The following CLSTN1 variants were observed in gnomAD, a reference collection of about 807,000 sequenced individuals.
CLSTN1 encodes the protein calsyntenin 1, also known as calsyntenin-1.
CLSTN1 carries 28 observed loss-of-function variants against 108.3 expected under a neutral mutation model. The ratio of observed to expected loss-of-function variants is 0.26; its 90% confidence interval spans 0.19 to 0.35. CLSTN1 has a LOEUF of 0.35. Among genes scored for constraint, CLSTN1 ranks in the 10% least tolerant of loss-of-function variants. The pLI is 1.00. For synonymous variants in CLSTN1, 524 were observed against 534.9 expected (o/e 0.98, Z 0.28); for missense variants, 1,157 against 1,302.6 (o/e 0.89, Z 1.72).
chr1:9,745,660 T>C (rs1206274793), intron 7 of CLSTN1, among the ~76,000 whole-genome samples: 1 of 151,526 alleles, frequency 6.6e-6, no homozygotes, highest in Non-Finnish European at 1.5e-5. Context: ...CTCAAAAATA[T>C]ATAAACAAAT....
At chr1:9,813,041 AG>A (rs1367298612) in intron 1 of CLSTN1, among the ~76,000 whole-genome samples, 3 of 144,170 alleles carry the variant, frequency 2.1e-5, no homozygotes, top group Non-Finnish European at 4.6e-5. Flanking sequence ...GCGGGTGCCT[AG>A]TAATCCCAGC....
In CLSTN1 at chr1:9,823,767, G is replaced by A; in HGVS notation, c.-34C>T. 2 of 991,464 alleles carry A rather than the reference G, an allele frequency of 2.0e-6. No individual in the cohort carries two copies. Among genetic ancestry groups the A allele is most frequent in the Non-Finnish European group, 2.4e-6 (2 of 826,388 alleles). 61.4% of individuals were successfully genotyped at this position (991,464 alleles called of 1,614,324 possible). A position where few individuals can be genotyped will look rare whatever the true frequency, so the allele number is the denominator to read the frequency against. ...CGGGGCGGGAGCGGCAGGGAGGCGC[G>A]CGGGACGCCGAGCGGAGCTCTCGGA... On this transcript the variant is annotated 5_prime_UTR_variant, in exon 1 of 19. Coordinates refer to ENST00000377298, the MANE Select transcript of CLSTN1 (RefSeq NM_001009566.3). This position sits in a 1 kb window ranked among gnomAD's most constrained non-coding sequence, Gnocchi z 6.3.
At chr1:9,763,475 A>C (rs554488043) in intron 2 of CLSTN1, among the ~76,000 whole-genome samples, 1 of 152,342 alleles carries the variant, frequency 6.6e-6, no homozygotes, top group South Asian at 2.1e-4. Context: ...TTGAGCAAGC[A>C]CTGCCAGATG....
At chr1:9,778,223 A>ACAC (rs1653049519) in intron 1 of CLSTN1, among the ~76,000 whole-genome samples, 25 of 134,500 alleles carry the variant, frequency 1.9e-4, no homozygotes, top group South Asian at 1.5e-3. Context: ...TCTCCTCCCC[A>ACAC]ACACACACAC....
intron 4 of CLSTN1, among the ~76,000 whole-genome samples, chr1:9,751,903 G>C (rs1651576871): frequency 6.6e-6 from 1 of 151,786 alleles, no homozygotes; most frequent in Admixed American, 6.6e-5. Context: ...GAGGGATTTG[G>C]GTCGATTCTT....
chr1:9,812,843 T>A (rs1251159348), intron 1 of CLSTN1, among the ~76,000 whole-genome samples: 1 of 136,660 alleles, frequency 7.3e-6, no homozygotes, highest in African/African-American at 2.8e-5. Flanking sequence ...ACTGAAACTC[T>A]ATCTCAAAAA....
At chr1:9,801,943 C>T (rs1654290194) in intron 1 of CLSTN1, among the ~76,000 whole-genome samples, 1 of 152,014 alleles carries the variant, frequency 6.6e-6, no homozygotes, top group African/African-American at 2.4e-5. Context: ...ATGCAAAAAC[C>T]CTCAACAAAG....
At chr1:9,803,190 A>T (rs1654359022) in intron 1 of CLSTN1, among the ~76,000 whole-genome samples, 1 of 152,188 alleles carries the variant, frequency 6.6e-6, no homozygotes, top group Non-Finnish European at 1.5e-5. Flanking sequence ...GTGGGAAGGC[A>T]CGCTGCCAGA....
At chr1:9,784,529 C>T (rs887173156) in intron 1 of CLSTN1, among the ~76,000 whole-genome samples, 4 of 152,162 alleles carry the variant, frequency 2.6e-5, no homozygotes, top group Non-Finnish European at 2.9e-5. Flanking sequence ...CCCACTGTTT[C>T]AAACAAGAGT....
intron 7 of CLSTN1, among the ~76,000 whole-genome samples, chr1:9,749,107 TTGCCCAGGCTGG>T (rs1372616410): frequency 6.6e-6 from 1 of 151,950 alleles, no homozygotes; most frequent in African/African-American, 2.4e-5. Flanking sequence ...TATCGCTGTG[TTGCCCAGGCTGG>T]TCTCAAACTC....
intron 2 of CLSTN1, among the ~76,000 whole-genome samples, chr1:9,771,521 G>T (rs1410502150): frequency 6.6e-6 from 1 of 152,116 alleles, no homozygotes; most frequent in Non-Finnish European, 1.5e-5. Context: ...GGCTGAGGCA[G>T]GAGAACTGCT....
chr1:9,749,985 A>T (rs1290989534), intron 5 of CLSTN1, 72 bp from the exon 6 acceptor site: 32 of 1,276,740 alleles, frequency 2.5e-5, no homozygotes, highest in Non-Finnish European at 3.4e-5. Flanking sequence ...CTAGGCGGAA[A>T]GACAAAATGC....
chr1:9,730,289 G>A lies in CLSTN1; in HGVS notation c.*219C>T. On this transcript the variant is annotated 3_prime_UTR_variant, in exon 19 of 19. Coordinates refer to ENST00000377298, the MANE Select transcript of CLSTN1 (RefSeq NM_001009566.3). This position sits in a 1 kb window ranked among gnomAD's most constrained non-coding sequence, Gnocchi z 5.6. ...GTGCGAGCCGGATGGCGGCCAGAGA[G>A]GACGTGTCAGCTCCTCGTGGGACTG... is the stretch of plus-strand genomic sequence containing the variant. The A allele has an allele frequency of 1.7e-6, 1 of 595,438 alleles. No individual in the cohort carries two copies. Among genetic ancestry groups the A allele is most frequent in the East Asian group, 2.8e-5 (1 of 35,676 alleles). 36.9% of individuals were successfully genotyped at this position (595,438 alleles called of 1,614,324 possible).
intron 1 of CLSTN1, among the ~76,000 whole-genome samples, chr1:9,800,329 A>G (rs1654202997): frequency 6.6e-6 from 1 of 152,020 alleles, no homozygotes; most frequent in South Asian, 2.1e-4. Flanking sequence ...ATAAGCCTCT[A>G]GCCAGGCTAA....
At chr1:9,761,822 C>G (rs1353634566) in intron 2 of CLSTN1, among the ~76,000 whole-genome samples, 1 of 152,160 alleles carries the variant, frequency 6.6e-6, no homozygotes, top group Non-Finnish European at 1.5e-5. Flanking sequence ...AGCTAAGGTT[C>G]TCTGATTGTA....
chr1:9,781,260 TGA>T, intron 1 of CLSTN1: 1 of 751,850 alleles, frequency 1.3e-6, no homozygotes, highest in Admixed American at 2.0e-5. Flanking sequence ...GAAATTCTGA[TGA>T]GATATGTCAA....
At chr1:9,815,237 A>T (rs1654923205) in intron 1 of CLSTN1, among the ~76,000 whole-genome samples, 1 of 152,114 alleles carries the variant, frequency 6.6e-6, no homozygotes, top group Middle Eastern at 3.2e-3. Flanking sequence ...CCAAAGGCTC[A>T]ATGTTTTTAA....
intron 1 of CLSTN1, among the ~76,000 whole-genome samples, chr1:9,779,956 G>T (rs1423346674): frequency 6.6e-6 from 1 of 151,966 alleles, no homozygotes; most frequent in African/African-American, 2.4e-5. Flanking sequence ...AGGTTCAAGT[G>T]ATTCTCCTGC....
chr1:9,762,628 T>TCC (rs1652136040), intron 2 of CLSTN1, among the ~76,000 whole-genome samples: 3 of 148,878 alleles, frequency 2.0e-5, no homozygotes, highest in African/African-American at 7.5e-5. Context: ...ACTCAACGGC[T>TCC]GGGTGTCCGG....
Sources: allele counts gnomAD v4.1 joint callset (sites outside exome capture counted in the v4.1 genomes callset), GRCh38; gene constraint gnomAD v4.1.1; non-coding constraint Gnocchi (gnomAD v3.1); transcripts MANE v1.5; gene names NCBI Gene and HGNC (gene_info 2026-07-23, HGNC 2026-07-21).